EPB41L5: variants seen among roughly 807,000 people sequenced by gnomAD.
EPB41L5 encodes erythrocyte membrane protein band 4.1 like 5.
A neutral mutation model predicts 106.6 loss-of-function variants in EPB41L5; 55 were observed. The ratio of observed to expected loss-of-function variants is 0.52; its 90% CI spans 0.42 to 0.65. The LOEUF (loss-of-function observed/expected upper bound fraction) is 0.65, where lower values mean the gene tolerates loss of function less well. Ranked by LOEUF, EPB41L5 falls within the 30% of genes least tolerant of loss-of-function variation. The probability of loss-of-function intolerance (pLI) is 0.00; values close to 1 mark genes in which losing one functional copy is unlikely to be tolerated. For synonymous variants in EPB41L5, 297 were observed against 306.7 expected, an observed-to-expected ratio of 0.97 and a Z score of 0.33; for missense variants, 871 against 882.1, an observed-to-expected ratio of 0.99 and a Z score of 0.16.
chr2:120,038,364 AAG>A (rs1170944917), intron 2 of EPB41L5, among the ~76,000 whole-genome samples: 1 of 152,232 alleles, frequency 6.6e-6, no homozygotes, highest in Non-Finnish European at 1.5e-5. Context: ...TAAAAAGTAA[AAG>A]AGAAAGTAAC....
At chr2:120,030,561 T>C (rs530533264) in intron 2 of EPB41L5, among the ~76,000 whole-genome samples, 11 of 152,314 alleles carry the variant, frequency 7.2e-5, no homozygotes, top group Admixed American at 2.6e-4. Context: ...TTATCTTTAT[T>C]TTATTTTATT....
intron 3 of EPB41L5, among the ~76,000 whole-genome samples, chr2:120,061,630 G>A (rs112615843): frequency 4.0e-4 from 61 of 152,248 alleles, no homozygotes; most frequent in African/African-American, 1.4e-3. Context: ...GGGATGACAG[G>A]CATGAGCCAC....
intron 3 of EPB41L5, among the ~76,000 whole-genome samples, chr2:120,052,376 A>G (rs1680346081): frequency 6.6e-6 from 1 of 152,144 alleles, no homozygotes; most frequent in Non-Finnish European, 1.5e-5. Context: ...ATGTACTTTC[A>G]TTTGGTCCCA....
At chr2:120,015,926 AC>A (rs1196663049) in intron 1 of EPB41L5, among the ~76,000 whole-genome samples, 41 of 148,108 alleles carry the variant, frequency 2.8e-4, no homozygotes, top group African/African-American at 5.2e-4. Context: ...AAAAAAAAAA[AC>A]ATAAAAATAA....
intron 20 of EPB41L5, among the ~76,000 whole-genome samples, chr2:120,147,550 A>G (rs1175455324): frequency 6.7e-6 from 1 of 148,610 alleles, no homozygotes; most frequent in Non-Finnish European, 1.5e-5. Context: ...GCTTGAACCC[A>G]GGAGGCAGAG....
intron 3 of EPB41L5, among the ~76,000 whole-genome samples, chr2:120,054,328 G>C (rs1361045819): frequency 6.6e-6 from 1 of 152,088 alleles, no homozygotes; most frequent in East Asian, 1.9e-4. Context: ...AGATACATCT[G>C]CAAACTTTTT....
In EPB41L5 at chr2:120,114,256, TACAG is replaced by T. The variant is rs561423925; in HGVS notation, c.1338-13427_1338-13424del. On this transcript the variant is annotated intron_variant, in intron 16 of 24. Transcript: ENST00000263713. ...TGCTTATCTTCTTTAGAGAAGTATC[TACAG>T]ACAGTTTCCAACTTAATGGCTTGAC... Among the ~76,000 whole-genome samples the T allele has an allele frequency of 3.3e-4, 51 of 152,348 alleles. No homozygotes were observed. The East Asian group carries it at 7.7e-3, about 23-fold the overall frequency.
intron 16 of EPB41L5, among the ~76,000 whole-genome samples, chr2:120,114,544 T>A (rs1684864835): frequency 6.6e-6 from 1 of 152,188 alleles, no homozygotes; most frequent in Non-Finnish European, 1.5e-5. Flanking sequence ...ATTTACATTA[T>A]CAGGATATAA....
intron 13 of EPB41L5, 85 bp downstream of exon 13, chr2:120,091,746 T>C (rs1479729706): frequency 2.0e-6 from 2 of 1,012,836 alleles, no homozygotes; most frequent in Non-Finnish European, 3.0e-6. Context: ...GGAAGTTACC[T>C]GAATCTCCTC....
chr2:120,167,205 A>G (rs1488877208), intron 22 of EPB41L5, among the ~76,000 whole-genome samples: 5 of 152,232 alleles, frequency 3.3e-5, no homozygotes, highest in Non-Finnish European at 7.3e-5. Flanking sequence ...TGAAAGTAGT[A>G]ATAGATTCTT....
chr2:120,168,325 T>C (rs1219344613), intron 24 of EPB41L5, among the ~76,000 whole-genome samples: 1 of 152,226 alleles, frequency 6.6e-6, no homozygotes, highest in Admixed American at 6.5e-5. Context: ...TTATGCCTAC[T>C]GTAATAGTGA....
chr2:120,146,227 T>C lies in EPB41L5; in HGVS notation c.1731T>C (p.Val577=), dbSNP rs770170252. 1 of 1,588,390 alleles carries C rather than the reference T, an allele frequency of 6.3e-7. No individual in the cohort carries two copies. The highest frequency in any genetic ancestry group is 2.2e-5 in the East Asian group (1 of 44,576). Residue 577 remains valine (V), a splice_region_variant and synonymous_variant, in exon 20 of 25, where the codon GTT becomes GTC. Coordinates refer to ENST00000263713, the MANE Select transcript of EPB41L5 (RefSeq NM_020909.4). ...LKAQVEAVHK[V]TKEDSLLSHK... ...TTTTTAATATTTCATTTTCTTAGGT[T>C]ACAAAAGAAGATAGCTTATTAAGTC...
At chr2:120,068,472 G>T (rs1230975896) in intron 3 of EPB41L5, among the ~76,000 whole-genome samples, 1 of 152,172 alleles carries the variant, frequency 6.6e-6, no homozygotes. Flanking sequence ...AATTCTTGCT[G>T]CCAGCACAGC....
intron 3 of EPB41L5, among the ~76,000 whole-genome samples, chr2:120,065,545 C>G (rs1390774725): frequency 3.4e-5 from 5 of 146,178 alleles, no homozygotes; most frequent in African/African-American, 1.3e-4. Flanking sequence ...TGGAGTCTCG[C>G]TCACTCTGTC....
intron 2 of EPB41L5, among the ~76,000 whole-genome samples, chr2:120,031,115 C>G (rs575311136): frequency 6.6e-6 from 1 of 152,142 alleles, no homozygotes; most frequent in Non-Finnish European, 1.5e-5. Flanking sequence ...GTGATCCACC[C>G]GCCTCGGCCT....
chr2:120,076,845 T>G, intron 7 of EPB41L5, 126 bp from the exon 8 acceptor site: 1 of 825,372 alleles, frequency 1.2e-6, no homozygotes, highest in East Asian at 2.6e-5. Context: ...GAGACTTGTC[T>G]GAGTATTATG....
At chr2:120,067,706 AG>A (rs1163292993) in intron 3 of EPB41L5, among the ~76,000 whole-genome samples, 1 of 152,178 alleles carries the variant, frequency 6.6e-6, no homozygotes, top group African/African-American at 2.4e-5. Flanking sequence ...TTTACTCTGA[AG>A]GTTCTTTTAA....
chr2:120,076,889 A>G, intron 7 of EPB41L5, 82 bp from the exon 8 acceptor site: 1 of 1,249,536 alleles, frequency 8.0e-7, no homozygotes, highest in South Asian at 1.8e-5. Context: ...AATCTTTCTA[A>G]TCTTAGCAGT....
At chr2:120,165,032 G>A (rs957084135) in intron 22 of EPB41L5, 122 bp downstream of exon 22, 1 of 709,166 alleles carries the variant, frequency 1.4e-6, no homozygotes, top group Non-Finnish European at 2.3e-6. Context: ...AAGAGTTTAT[G>A]TTTTAATAAC....
Sources: gnomAD v4.1 joint callset for allele counts (sites outside exome capture counted in the v4.1 genomes callset) on GRCh38, gnomAD v4.1.1 for gene constraint, MANE v1.5 for transcripts, NCBI Gene and HGNC (gene_info 2026-07-23, HGNC 2026-07-21) for gene names.